CNTNAP2: variants seen among roughly 807,000 people sequenced by gnomAD.
CNTNAP2 encodes the protein contactin associated protein 2.
A neutral mutation model predicts 155.2 loss-of-function variants in CNTNAP2; 98 were observed. That is an observed-to-expected ratio of 0.63 (90% CI 0.54 to 0.75). The LOEUF (loss-of-function observed/expected upper bound fraction) is 0.75, where lower values mean the gene tolerates loss of function less well. Ranked by LOEUF, CNTNAP2 falls within the 30% of genes least tolerant of loss-of-function variation. CNTNAP2 has a pLI of 0.00. For missense variants in CNTNAP2, 1,727 were observed against 1,688.1 expected (o/e 1.02, Z -0.40); for synonymous variants, 651 against 631.2 (o/e 1.03, Z -0.47).
chr7:146,886,722 G>A (rs777676115), intron 3 of CNTNAP2, among the ~76,000 whole-genome samples: 6 of 150,298 alleles, frequency 4.0e-5, no homozygotes, highest in East Asian at 3.9e-4. Context: ...TCATACCAAC[G>A]TGTTCCTCAG....
intron 10 of CNTNAP2, among the ~76,000 whole-genome samples, chr7:147,433,686 G>A (rs765490271): frequency 6.6e-6 from 1 of 152,194 alleles, no homozygotes; most frequent in East Asian, 1.9e-4. Flanking sequence ...TTTCTCCTCC[G>A]TGTCCTACGA....
chr7:146,767,319 A>G (rs978092370), intron 1 of CNTNAP2, among the ~76,000 whole-genome samples: 1 of 152,198 alleles, frequency 6.6e-6, no homozygotes, highest in African/African-American at 2.4e-5. Flanking sequence ...AAATGAGGCT[A>G]TATTTGTATG....
chr7:148,261,243 C>T (rs937135896), intron 20 of CNTNAP2, among the ~76,000 whole-genome samples: 1 of 152,132 alleles, frequency 6.6e-6, no homozygotes, highest in South Asian at 2.1e-4. Flanking sequence ...TCACTGCAAC[C>T]TCTGCCTCCC....
At chr7:146,564,269 C>T (rs1393781667) in intron 1 of CNTNAP2, among the ~76,000 whole-genome samples, 1 of 152,048 alleles carries the variant, frequency 6.6e-6, no homozygotes, top group Non-Finnish European at 1.5e-5. Flanking sequence ...TTGCTTAGTG[C>T]ATAAGAGTCA....
At chr7:148,160,047 C>T (rs528722122) in intron 17 of CNTNAP2, among the ~76,000 whole-genome samples, 2 of 152,012 alleles carry the variant, frequency 1.3e-5, no homozygotes, top group Non-Finnish European at 2.9e-5. Flanking sequence ...AGGACCAGCC[C>T]GGGCAACATG....
At position 147,795,955 on chromosome 7, in the gene CNTNAP2, T is replaced by G. The variant is rs547775545; in HGVS notation, c.2099-107610T>G. On this transcript the variant is annotated intron_variant, in intron 13 of 23. Transcript: ENST00000361727. ...GCATTTTGCTTCTTGCAATAGGCAA[T>G]CTTATCTACAACTGATTTTGAAGCA... is the stretch of plus-strand genomic sequence containing the variant. Among the ~76,000 whole-genome samples, 8 of 152,244 alleles carry G rather than the reference T, an allele frequency of 5.3e-5. No homozygotes were observed. In the South Asian group the frequency reaches 1.7e-3, roughly 32 times the overall value.
At chr7:148,412,019 T>G (rs533566790) in intron 23 of CNTNAP2, among the ~76,000 whole-genome samples, 1 of 152,106 alleles carries the variant, frequency 6.6e-6, no homozygotes, top group Non-Finnish European at 1.5e-5. Context: ...TCTCGGCTCA[T>G]GCAACCTCCG....
intron 16 of CNTNAP2, among the ~76,000 whole-genome samples, chr7:148,127,670 T>A (rs1197210651): frequency 8.5e-5 from 13 of 152,210 alleles, no homozygotes; most frequent in Admixed American, 8.5e-4. Flanking sequence ...AGAAGTAAAC[T>A]AATGGCAATT....
intron 8 of CNTNAP2, among the ~76,000 whole-genome samples, chr7:147,295,939 G>T (rs1297603431): frequency 4.6e-5 from 7 of 152,062 alleles, no homozygotes; most frequent in Admixed American, 3.9e-4. Context: ...TAAGTTCCTG[G>T]AAGAAAATAA....
At position 146,269,254 on chromosome 7, in the gene CNTNAP2, C is replaced by T. The variant is rs190252954; in HGVS notation, c.97+152281C>T. On this transcript the variant is annotated intron_variant, in intron 1 of 23. Transcript: ENST00000361727. Reference sequence around the variant, plus strand: ...ACTTGGGAGGCTGAGGCAGGGGAATCGCTTGAACCTGGGAGGTGGAGGTTG... The same window carrying T: ...ACTTGGGAGGCTGAGGCAGGGGAATTGCTTGAACCTGGGAGGTGGAGGTTG... Among the ~76,000 whole-genome samples, 171 of 152,226 alleles carry T rather than the reference C, an allele frequency of 1.1e-3. 1 individual carries two copies. The highest frequency in any genetic ancestry group is 1.9e-4 in the Non-Finnish European group (13 of 68,000).
chr7:147,320,532 A>G (rs1410618192), intron 9 of CNTNAP2, among the ~76,000 whole-genome samples: 1 of 152,232 alleles, frequency 6.6e-6, no homozygotes, highest in Non-Finnish European at 1.5e-5. Flanking sequence ...CCAAAATCTC[A>G]TAAGTTATTG....
At chr7:146,329,901 A>T (rs1177302960) in intron 1 of CNTNAP2, among the ~76,000 whole-genome samples, 2 of 151,938 alleles carry the variant, frequency 1.3e-5, no homozygotes, top group African/African-American at 4.8e-5. Context: ...ATTATTTCCC[A>T]AATTTTATAC....
Position 148,048,609 on chromosome 7 carries a change from G to A in CNTNAP2, c.2384-69509G>A, listed in dbSNP as rs1158839814. Among the ~76,000 whole-genome samples the A allele has an allele frequency of 3.3e-5, 5 of 152,130 alleles. No homozygotes were observed. In the East Asian group the frequency reaches 9.7e-4, roughly 29 times the overall value. ...GAACTCTGGGTCCTCTTGGATCAAA[G>A]AATGTGCAAATTGAGCTAAGAGATA... is the stretch of plus-strand genomic sequence containing the variant. On this transcript the variant is annotated intron_variant, in intron 15 of 23. Coordinates refer to ENST00000361727, the MANE Select transcript of CNTNAP2 (RefSeq NM_014141.6).
At chr7:148,198,307 C>T (rs1795309216) in intron 18 of CNTNAP2, among the ~76,000 whole-genome samples, 1 of 152,176 alleles carries the variant, frequency 6.6e-6, no homozygotes, top group African/African-American at 2.4e-5. Flanking sequence ...GGGGCATGAT[C>T]CAAGAAGTAA....
intron 1 of CNTNAP2, among the ~76,000 whole-genome samples, chr7:146,720,779 A>C (rs557578778): frequency 6.2e-4 from 94 of 151,068 alleles, no homozygotes; most frequent in African/African-American, 2.3e-3. Flanking sequence ...GACTATGTAG[A>C]GGATGTAATC....
intron 12 of CNTNAP2, among the ~76,000 whole-genome samples, chr7:147,586,450 C>A (rs1800622506): frequency 6.6e-6 from 1 of 150,390 alleles, no homozygotes; most frequent in African/African-American, 2.5e-5. Context: ...AGGTGGGGTC[C>A]ATTCAGTTGG....
At chr7:146,941,000 A>G (rs1388745984) in intron 3 of CNTNAP2, among the ~76,000 whole-genome samples, 1 of 151,814 alleles carries the variant, frequency 6.6e-6, no homozygotes, top group Non-Finnish European at 1.5e-5. Context: ...TAAAGTTTCT[A>G]TTTGCATGAG....
chr7:148,216,681 A>G lies in CNTNAP2; in HGVS notation c.3011-607A>G, dbSNP rs192438457. Among the ~76,000 whole-genome samples, 71 of 152,272 alleles carry G rather than the reference A, an allele frequency of 4.7e-4. 1 individual carries two copies. In the East Asian group the frequency reaches 0.012, roughly 26 times the overall value. On this transcript the variant is annotated intron_variant, in intron 18 of 23. Transcript: ENST00000361727. ...GTGAAATTTTTTTCTGGTATAATGT[A>G]AGTTTCTTAAATTTTACTATTTTTT...
At position 147,959,378 on chromosome 7, in the gene CNTNAP2, G is replaced by A. The variant is rs143934322; in HGVS notation, c.2256-18484G>A. 5.0e-3 allele frequency among the ~76,000 whole-genome samples: 755 copies of A among 152,226 alleles called. 9 individuals are homozygous for A. The highest frequency in any genetic ancestry group is 0.017 in the African/African-American group (724 of 41,542). On this transcript the variant is annotated intron_variant, in intron 14 of 23. Coordinates refer to ENST00000361727, the MANE Select transcript of CNTNAP2 (RefSeq NM_014141.6). ...TGAATCCAGCTCAAGTACCCACCAT[G>A]AGTTTGATGCAAGGCAAGCGAGCCC...
Sources: allele counts gnomAD v4.1 joint callset (sites outside exome capture counted in the v4.1 genomes callset), GRCh38; gene constraint gnomAD v4.1.1; transcripts MANE v1.5; gene names NCBI Gene and HGNC (gene_info 2026-07-23, HGNC 2026-07-21).